CSMD1: variants seen among roughly 807,000 people sequenced by gnomAD.
The protein encoded by CSMD1 is CUB and sushi domain-containing protein 1.
Under a neutral mutation model 417.5 loss-of-function variants are expected in CSMD1, and 213 were observed. The observed-to-expected ratio is 0.51, with a 90% CI of 0.46 to 0.57. The LOEUF (loss-of-function observed/expected upper bound fraction) is 0.57, where lower values mean the gene tolerates loss of function less well. CSMD1 is among the 20% of genes least tolerant of loss of function. The pLI, the probability that CSMD1 is intolerant of heterozygous loss-of-function variation, is 0.00. For missense variants in CSMD1, 6,923 were observed against 4,529.7 expected, an observed-to-expected ratio of 1.53 and a Z score of -15.17; for synonymous variants, 2,862 against 1,736.8, an observed-to-expected ratio of 1.65 and a Z score of -16.11.
chr8:3,493,840 CA>C, intron 10 of CSMD1, 114 bp from the exon 11 acceptor site: 1 of 704,480 alleles, frequency 1.4e-6, no homozygotes. Flanking sequence ...ATGCCAATGT[CA>C]AATGATCCCA....
In CSMD1 at chr8:3,399,548, T is replaced by C; in HGVS notation, c.2267-19A>G. The stretch of plus-strand genomic sequence containing the variant: ...CATGGAGCTAAAACAAGACGTAGAA[T>C]ATCTATTAGATCCAATGAGACAGAA... On this transcript the variant is annotated intron_variant, in intron 15 of 69. Coordinates refer to ENST00000635120, the MANE Select transcript of CSMD1 (RefSeq NM_033225.6). The C allele has an allele frequency of 6.4e-7, 1 of 1,564,090 alleles. No individual in the cohort carries two copies. The highest frequency in any genetic ancestry group is 8.6e-7 in the Non-Finnish European group (1 of 1,157,410).
chr8:4,136,752 G>C (rs893198385), intron 3 of CSMD1, among the ~76,000 whole-genome samples: 1 of 152,160 alleles, frequency 6.6e-6, no homozygotes, highest in African/African-American at 2.4e-5. Flanking sequence ...GTGTGCATGT[G>C]AATTATTTGA....
At chr8:3,975,513 T>A (rs961514232) in intron 5 of CSMD1, among the ~76,000 whole-genome samples, 25 of 152,126 alleles carry the variant, frequency 1.6e-4, no homozygotes, top group Admixed American at 5.2e-4. Context: ...AGAAACTTCA[T>A]CCACAGGTTG....
intron 2 of CSMD1, among the ~76,000 whole-genome samples, chr8:4,572,268 C>G (rs1323794250): frequency 6.6e-6 from 1 of 152,120 alleles, no homozygotes; most frequent in Non-Finnish European, 1.5e-5. Context: ...TTTTTCCTTT[C>G]CATATTTAGT....
At chr8:3,667,965 T>C (rs1046611923) in intron 7 of CSMD1, among the ~76,000 whole-genome samples, 1 of 152,116 alleles carries the variant, frequency 6.6e-6, no homozygotes, top group African/African-American at 2.4e-5. Context: ...CCTGCGTCTT[T>C]CTAACAGAGC....
intron 3 of CSMD1, among the ~76,000 whole-genome samples, chr8:4,210,831 C>A (rs1369243390): frequency 6.6e-6 from 1 of 152,100 alleles, no homozygotes; most frequent in South Asian, 2.1e-4. Context: ...TGGAAAGAAT[C>A]ATGTATCTCG....
chr8:3,097,528 C>G (rs960591026), intron 46 of CSMD1, among the ~76,000 whole-genome samples: 20 of 152,082 alleles, frequency 1.3e-4, no homozygotes, highest in African/African-American at 4.3e-4. Flanking sequence ...GTCCAGAATC[C>G]TACGTCGTTT....
chr8:3,407,606 A>AATGG (rs748602027), intron 14 of CSMD1, among the ~76,000 whole-genome samples: 4 of 151,880 alleles, frequency 2.6e-5, no homozygotes, highest in Non-Finnish European at 5.9e-5. Flanking sequence ...TGGATGGATG[A>AATGG]ATGGATGGAT....
At chr8:3,006,254 T>C (rs1180707867) in intron 52 of CSMD1, among the ~76,000 whole-genome samples, 1 of 151,546 alleles carries the variant, frequency 6.6e-6, no homozygotes, top group African/African-American at 2.4e-5. Context: ...TACAAACCAC[T>C]GCTCAAGGAA....
intron 2 of CSMD1, among the ~76,000 whole-genome samples, chr8:4,474,710 T>G (rs1800708566): frequency 6.6e-6 from 1 of 152,116 alleles, no homozygotes; most frequent in South Asian, 2.1e-4. Flanking sequence ...TACTCCCACG[T>G]GGACTTTCTT....
chr8:3,465,273 A>G (rs1055090387), intron 12 of CSMD1, among the ~76,000 whole-genome samples: 3 of 152,124 alleles, frequency 2.0e-5, no homozygotes, highest in Non-Finnish European at 4.4e-5. Flanking sequence ...TTTCTGAAAA[A>G]TGCTCCTAAA....
At chr8:4,475,090 G>C (rs976573986) in intron 2 of CSMD1, among the ~76,000 whole-genome samples, 5 of 152,078 alleles carry the variant, frequency 3.3e-5, no homozygotes, top group African/African-American at 1.2e-4. Context: ...TTATTTTTAA[G>C]CATTTGAAAA....
At position 4,718,964 on chromosome 8, in the gene CSMD1, A is replaced by G. The variant is rs113488715; in HGVS notation, c.86-81406T>C. ...GACAGGAAAAATGAGAACGTTCATT[A>G]TATATTGATATGAAAAACTTTGAAG... is the stretch of plus-strand genomic sequence containing the variant. On this transcript the variant is annotated intron_variant, in intron 1 of 69. Coordinates refer to ENST00000635120, the MANE Select transcript of CSMD1 (RefSeq NM_033225.6). Among the ~76,000 whole-genome samples, 770 of 152,296 alleles carry G rather than the reference A, an allele frequency of 5.1e-3. 6 individuals are homozygous for G. Among genetic ancestry groups the G allele is most frequent in the Middle Eastern group, 0.017 (5 of 292 alleles).
chr8:4,717,963 C>G (rs996685631), intron 1 of CSMD1, among the ~76,000 whole-genome samples: 2 of 152,050 alleles, frequency 1.3e-5, no homozygotes, highest in African/African-American at 4.8e-5. Context: ...TTTATAAAAT[C>G]TATCAAACTT....
rs1352548461 is a variant in CSMD1, at chr8:4,593,673, T to C, written c.302+43669A>G. 2.0e-5 allele frequency among the ~76,000 whole-genome samples: 3 copies of C among 152,180 alleles called. No homozygotes were observed. The East Asian group carries it at 5.8e-4, about 29-fold the overall frequency. On this transcript the variant is annotated intron_variant, in intron 2 of 69. Transcript: ENST00000635120. ...TGAAAAGACCTTAGTTTAAAATTAT[T>C]AGTTACTACTTCCATGTAATAAGCA...
At chr8:4,656,924 C>T (rs1804268976) in intron 1 of CSMD1, among the ~76,000 whole-genome samples, 2 of 152,240 alleles carry the variant, frequency 1.3e-5, no homozygotes, top group African/African-American at 4.8e-5. Flanking sequence ...GCCTGAAACA[C>T]TGACAAAAGG....
intron 23 of CSMD1, among the ~76,000 whole-genome samples, chr8:3,322,065 G>C (rs1428429478): frequency 6.6e-6 from 1 of 152,158 alleles, no homozygotes; most frequent in South Asian, 2.1e-4. Flanking sequence ...CATTTCCATG[G>C]ATTATTTTAC....
intron 5 of CSMD1, among the ~76,000 whole-genome samples, chr8:3,905,975 G>T (rs1052377457): frequency 2.6e-5 from 4 of 152,144 alleles, no homozygotes; most frequent in African/African-American, 4.8e-5. Context: ...TATCAAACCT[G>T]TTCTTTTACC....
intron 10 of CSMD1, among the ~76,000 whole-genome samples, chr8:3,571,288 C>G (rs1403260377): frequency 6.6e-6 from 1 of 152,198 alleles, no homozygotes; most frequent in Non-Finnish European, 1.5e-5. Flanking sequence ...TCTGCCCATT[C>G]CATGGACTTG....
Sources: allele counts gnomAD v4.1 joint callset (sites outside exome capture counted in the v4.1 genomes callset), GRCh38; gene constraint gnomAD v4.1.1; transcripts MANE v1.5; gene names NCBI Gene and HGNC (gene_info 2026-07-23, HGNC 2026-07-21).